The following ANKRD30A variants were observed in gnomAD, a reference collection of about 807,000 sequenced individuals.
ANKRD30A encodes ankyrin repeat domain 30A.
A neutral mutation model predicts 166.3 loss-of-function variants in ANKRD30A; 170 were observed. The observed-to-expected ratio is 1.02, with a 90% confidence interval of 0.90 to 1.16. The LOEUF (loss-of-function observed/expected upper bound fraction) is 1.16, where lower values mean the gene tolerates loss of function less well. Among genes scored for constraint, ANKRD30A ranks in the 50% most tolerant of loss-of-function variants. The probability of loss-of-function intolerance (pLI) is 0.00; values close to 1 mark genes in which losing one functional copy is unlikely to be tolerated. For synonymous variants in ANKRD30A, 564 were observed against 508.9 expected, an observed-to-expected ratio of 1.11 and a Z score of -1.46; for missense variants, 1,630 against 1,518.0, an observed-to-expected ratio of 1.07 and a Z score of -1.23.
intron 11 of ANKRD30A, among the ~76,000 whole-genome samples, chr10:37,150,675 A>G (rs1837861692): frequency 6.6e-6 from 1 of 152,088 alleles, no homozygotes; most frequent in Non-Finnish European, 1.5e-5. Flanking sequence ...AAAGGACACA[A>G]TTAACTGTGT....
At chr10:37,127,046 C>CAAAGAAAAAAAAAAAA (rs1836070939) in intron 1 of ANKRD30A, among the ~76,000 whole-genome samples, 1 of 16,504 alleles carries the variant, frequency 6.1e-5, no homozygotes, top group African/African-American at 3.4e-4. Context: ...AACTCTGTCT[C>CAAAGAAAAAAAAAAAA]AAAAAAAAAA....
chr10:37,192,906 T>C (rs1385914565), intron 25 of ANKRD30A, among the ~76,000 whole-genome samples, 158 bp from the exon 26 acceptor site: 1 of 152,102 alleles, frequency 6.6e-6, no homozygotes, highest in Admixed American at 6.5e-5. Flanking sequence ...CACGTTGGCA[T>C]GATAACAAAT....
At chr10:37,162,573 T>A in intron 15 of ANKRD30A, 76 bp from the exon 16 acceptor site, 3 of 1,575,902 alleles carry the variant, frequency 1.9e-6, no homozygotes, top group Non-Finnish European at 2.6e-6. Context: ...GTCAGTTAAA[T>A]ACTATCACGG....
intron 18 of ANKRD30A, among the ~76,000 whole-genome samples, chr10:37,166,218 T>C (rs1318325019): frequency 1.3e-5 from 2 of 152,178 alleles, no homozygotes; most frequent in Admixed American, 6.6e-5. Context: ...TACTGCTGTA[T>C]GTGTCCAGGC....
chr10:37,191,423 G>T (rs1162934775), intron 25 of ANKRD30A, among the ~76,000 whole-genome samples: 1 of 151,900 alleles, frequency 6.6e-6, no homozygotes, highest in Non-Finnish European at 1.5e-5. Context: ...ACATATTAAA[G>T]AACATGATGA....
At chr10:37,243,292 G>T in the ANKRD30A span, among the ~76,000 whole-genome samples, 1 of 138,704 alleles carries the variant, frequency 7.2e-6, no homozygotes, top group East Asian at 2.0e-4. Context: ...CTGCCACCAC[G>T]CCCACCTTTT....
At chr10:37,200,106 CT>C (rs944405260) in intron 30 of ANKRD30A, among the ~76,000 whole-genome samples, 4 of 151,992 alleles carry the variant, frequency 2.6e-5, no homozygotes, top group African/African-American at 9.7e-5. Context: ...GAGTCCAGCT[CT>C]GGGCAAATAT....
At chr10:37,265,893 A>G in the ANKRD30A span, among the ~76,000 whole-genome samples, 1 of 152,264 alleles carries the variant, frequency 6.6e-6, no homozygotes, top group Admixed American at 6.5e-5. Context: ...GGGTTAACCC[A>G]AGTCTAGACT....
intron 31 of ANKRD30A, among the ~76,000 whole-genome samples, chr10:37,205,219 A>G (rs566972668): frequency 6.6e-6 from 1 of 152,296 alleles, no homozygotes; most frequent in South Asian, 2.1e-4. Context: ...TCAATGATAG[A>G]CTGGATTAAG....
intron 31 of ANKRD30A, among the ~76,000 whole-genome samples, chr10:37,207,345 A>G (rs1038373365): frequency 6.6e-6 from 1 of 152,102 alleles, no homozygotes; most frequent in Non-Finnish European, 1.5e-5. Flanking sequence ...TACTTCAGAA[A>G]CTCTCACAAT....
chr10:37,162,946 T>C (rs1839049545), intron 17 of ANKRD30A, 98 bp downstream of exon 17: 1 of 1,433,620 alleles, frequency 7.0e-7, no homozygotes, highest in Non-Finnish European at 9.5e-7. Flanking sequence ...TCAACTTTGA[T>C]GAAAAGATTT....
rs186321702 is a variant in ANKRD30A, at chr10:37,228,583, C to T, written c.4186-2878C>T. 2.0e-3 allele frequency among the ~76,000 whole-genome samples: 303 copies of T among 152,026 alleles called. 2 individuals carry two copies. Among genetic ancestry groups the T allele is most frequent in the Non-Finnish European group, 2.8e-3 (192 of 67,924 alleles). On this transcript the variant is annotated intron_variant, in intron 34 of 35. Coordinates refer to ENST00000361713, the MANE Select transcript of ANKRD30A (RefSeq NM_052997.3). ...AATATTTTTAATTTTCCAGCTGTTGCGCTTCACAACTTGCCTCTTTGCTTC... is the reference window on the plus strand; with the variant it reads ...AATATTTTTAATTTTCCAGCTGTTGTGCTTCACAACTTGCCTCTTTGCTTC...
intron 19 of ANKRD30A, among the ~76,000 whole-genome samples, chr10:37,167,635 G>A (rs1208868577): frequency 2.0e-5 from 3 of 151,810 alleles, no homozygotes; most frequent in African/African-American, 7.3e-5. Context: ...TGCCATTCCT[G>A]ATGAGATTTG....
intron 9 of ANKRD30A, among the ~76,000 whole-genome samples, chr10:37,149,353 T>C (rs561085248): frequency 1.1e-4 from 16 of 152,174 alleles, no homozygotes; most frequent in Admixed American, 6.5e-4. Flanking sequence ...AAGTACGTGG[T>C]GTAGCATTCC....
At chr10:37,232,697 T>TATATATATATAGAGAGAG (rs1273812991), downstream of ANKRD30A, 1 of 78,400 alleles carries the variant, frequency 1.3e-5, no homozygotes, top group Non-Finnish European at 2.4e-5. Context: ...TATATATAAA[T>TATATATATATAGAGAGAG]AGAGAGAGAG....
At chr10:37,223,944 A>G (rs912661154) in intron 34 of ANKRD30A, among the ~76,000 whole-genome samples, 4 of 151,284 alleles carry the variant, frequency 2.6e-5, no homozygotes, top group Admixed American at 1.3e-4. Context: ...TAATATTTCA[A>G]TATTTTAGAA....
Position 37,141,761 on chromosome 10 carries a change from G to A in ANKRD30A, c.864G>A (p.Ala288=), listed in dbSNP as rs369194109. The A allele has an allele frequency of 6.1e-5, 99 of 1,612,018 alleles. No homozygotes were observed. Among genetic ancestry groups the A allele is most frequent in the Middle Eastern group, 2.1e-4 (1 of 4,826 alleles). Residue 288 remains alanine (A), a synonymous_variant, in exon 7 of 36, where the codon GCG becomes GCA. Coordinates refer to ENST00000361713, the MANE Select transcript of ANKRD30A (RefSeq NM_052997.3). ...CACCTGATGAGGCTGCACCCTTGGCGGAAAGAACACCTGACACAGCTGAAA... is the reference window on the plus strand; with the variant it reads ...CACCTGATGAGGCTGCACCCTTGGCAGAAAGAACACCTGACACAGCTGAAA... ...AGTPDEAAPL[A]ERTPDTAESL... is the part of the protein sequence containing the mutation.
At chr10:37,148,902 C>T (rs1837705914) in intron 9 of ANKRD30A, among the ~76,000 whole-genome samples, 1 of 151,886 alleles carries the variant, frequency 6.6e-6, no homozygotes. Flanking sequence ...TGAATTTATA[C>T]TTGAATAATA....
At chr10:37,264,913 A>G in the ANKRD30A span, among the ~76,000 whole-genome samples, 1 of 152,190 alleles carries the variant, frequency 6.6e-6, no homozygotes, top group Non-Finnish European at 1.5e-5. Flanking sequence ...TTTCATAATA[A>G]ATTATGTGTT....
Sources: gnomAD v4.1 joint callset for allele counts (sites outside exome capture counted in the v4.1 genomes callset) on GRCh38, gnomAD v4.1.1 for gene constraint, MANE v1.5 for transcripts, NCBI Gene and HGNC (gene_info 2026-07-23, HGNC 2026-07-21) for gene names.